Variants in ACACB observed in about 807,000 individuals in gnomAD.
ACACB encodes acetyl-CoA carboxylase beta.
In ACACB, 209 loss-of-function variants were observed where a neutral mutation model predicts 278.8. The observed-to-expected ratio is 0.75, with a 90% CI of 0.67 to 0.84. The LOEUF (loss-of-function observed/expected upper bound fraction) is 0.84, where lower values mean the gene tolerates loss of function less well. Among genes scored for constraint, ACACB ranks in the 40% least tolerant of loss-of-function variants. The probability of loss-of-function intolerance (pLI) is 0.00; values close to 1 mark genes in which losing one functional copy is unlikely to be tolerated. For missense variants in ACACB, 2,850 were observed against 3,269.0 expected (o/e 0.87, Z 3.13); for synonymous variants, 1,174 against 1,285.6 (o/e 0.91, Z 1.86).
intron 24 of ACACB, among the ~76,000 whole-genome samples, chr12:109,220,557 T>G (rs1385526664): frequency 6.6e-6 from 1 of 152,008 alleles, no homozygotes; most frequent in Non-Finnish European, 1.5e-5. Context: ...GTTGTTGTTG[T>G]TTGTTTGTTT....
chr12:109,194,850 G>A lies in ACACB; in HGVS notation c.2481+1121G>A, dbSNP rs77841967. On this transcript the variant is annotated intron_variant, in intron 16 of 52. Transcript: ENST00000338432. ...ATATTATTCAACCCCTATAGAATGT[G>A]AGCTGGGCCTTTGCTGAGACAGAAT... 2.6e-5 allele frequency among the ~76,000 whole-genome samples: 4 copies of A among 152,294 alleles called. No homozygotes were observed. In the East Asian group the frequency reaches 7.7e-4, roughly 29 times the overall value.
At chr12:109,230,602 AT>A (rs1253724506) in intron 28 of ACACB, among the ~76,000 whole-genome samples, 1 of 151,916 alleles carries the variant, frequency 6.6e-6, no homozygotes, top group African/African-American at 2.4e-5. Context: ...CTTTAAAAAT[AT>A]TTTTTTGCAG....
At chr12:109,127,220 C>T (rs1466819216) in intron 1 of ACACB, among the ~76,000 whole-genome samples, 3 of 152,146 alleles carry the variant, frequency 2.0e-5, no homozygotes, top group Non-Finnish European at 4.4e-5. Flanking sequence ...GGGTCGAATG[C>T]CATGTATACC....
intron 15 of ACACB, among the ~76,000 whole-genome samples, chr12:109,192,430 CT>C (rs368470739): frequency 1.6e-3 from 246 of 151,160 alleles, no homozygotes; most frequent in Non-Finnish European, 3.1e-3. Flanking sequence ...GTGCTGGATG[CT>C]TTTTTTTTGT....
At chr12:109,260,001 G>A in intron 47 of ACACB, 24 of 1,216,478 alleles carry the variant, frequency 2.0e-5, no homozygotes, top group Non-Finnish European at 2.7e-5. Context: ...AGTCTGATGA[G>A]CTAATTGCTG....
Position 109,179,306 on chromosome 12 carries a change from C to T in ACACB, c.1647+9C>T, listed in dbSNP as rs1318617778. 1.2e-6 allele frequency: 2 copies of T among 1,611,314 alleles called. No individual in the cohort carries two copies. Among genetic ancestry groups the T allele is most frequent in the East Asian group, 2.2e-5 (1 of 44,832 alleles). Reference sequence around the variant, plus strand: ...TCGAGTTCATGGAGCAGGTACACTTCTCAGAGCCCAGGGGGCAGCTTCAGA... The same window carrying T: ...TCGAGTTCATGGAGCAGGTACACTTTTCAGAGCCCAGGGGGCAGCTTCAGA... On this transcript the variant is annotated intron_variant, in intron 10 of 52. Coordinates refer to ENST00000338432, the MANE Select transcript of ACACB (RefSeq NM_001093.4).
Position 109,199,460 on chromosome 12 carries a change from G to A in ACACB, c.2686G>A (p.Val896Ile). 6.4e-7 allele frequency: 1 copy of A among 1,565,150 alleles called. No individual in the cohort carries two copies. The highest frequency in any genetic ancestry group is 8.7e-7 in the Non-Finnish European group (1 of 1,155,888). The change falls in exon 18 of 53, where the codon GTC becomes ATC. Residue 896 changes from valine (V) to isoleucine (I), a missense_variant. Physicochemically the swap from Val to Ile is conservative, Grantham distance 29. Around this residue, in one of 3 missense-constraint regions of ACACB, gnomAD observed 2,265 missense variants for 2,561.3 expected, o/e 0.88. Coordinates refer to ENST00000338432, the MANE Select transcript of ACACB (RefSeq NM_001093.4). Reference protein sequence around the residue: ...CVFEKENDPTVLRSPSAGKLT... With the variant: ...CVFEKENDPTILRSPSAGKLT... The stretch of plus-strand genomic sequence containing the variant: ...GTTTGAGAAGGAGAACGATCCTACA[G>A]TCCTGAGATCCCCCTCGGCTGGGAA...
rs1447364920 is a variant in ACACB at position 109,239,779 on chromosome 12, A to T, written c.4663-51A>T. On this transcript the variant is annotated intron_variant, in intron 34 of 52. Transcript: ENST00000338432. ...GGGGCTGAGTTTCCAGCCAGCTGGG[A>T]GTAGGCCTGCACCCCTGGCCTGAGC... 3.3e-6 allele frequency: 5 copies of T among 1,527,580 alleles called. No homozygotes were observed. In the Admixed American group the frequency reaches 1.0e-4, roughly 32 times the overall value. The allele number at this position is 1,527,580 out of a possible 1,614,324, so 94.6% of individuals were successfully genotyped here.
At chr12:109,235,826 T>C in intron 33 of ACACB, 179 bp downstream of exon 33, 1 of 556,946 alleles carries the variant, frequency 1.8e-6, no homozygotes. Context: ...AGTGAGACCC[T>C]GTCTCTACAA....
At chr12:109,209,879 G>C (rs574232582) in intron 21 of ACACB, among the ~76,000 whole-genome samples, 2 of 117,960 alleles carry the variant, frequency 1.7e-5, no homozygotes, top group Non-Finnish European at 3.7e-5. Flanking sequence ...ATACACACAC[G>C]TGTGTATATA....
Position 109,240,984 on chromosome 12 carries a change from C to T in ACACB, c.4819-94C>T, listed in dbSNP as rs541890474. The T allele has an allele frequency of 1.2e-5, 16 of 1,285,292 alleles. No homozygotes were observed. The Admixed American group carries it at 2.0e-4, about 16-fold the overall frequency. 79.6% of individuals were successfully genotyped at this position (1,285,292 alleles called of 1,614,324 possible). ...ACTATGTCCCAGGCGTTTTTGCAGTCAGTATATCTCATCCTCTTATTAGTA... is the reference window on the plus strand; with the variant it reads ...ACTATGTCCCAGGCGTTTTTGCAGTTAGTATATCTCATCCTCTTATTAGTA... On this transcript the variant is annotated intron_variant, in intron 35 of 52. Transcript: ENST00000338432.
At chr12:109,241,007 GT>G (rs1392039599) in intron 35 of ACACB, 70 bp from the exon 36 acceptor site, 5 of 1,471,980 alleles carry the variant, frequency 3.4e-6, no homozygotes, top group Non-Finnish European at 4.7e-6. Context: ...CCTCTTATTA[GT>G]ATCAGTGCTA....
At chr12:109,114,521 C>T (rs2042366312), upstream of ACACB, among the ~76,000 whole-genome samples, 1 of 151,920 alleles carries the variant, frequency 6.6e-6, no homozygotes, top group Non-Finnish European at 1.5e-5. Flanking sequence ...TTCCAGGTGC[C>T]TTGTTTTGTT....
At chr12:109,148,779 A>T (rs367550970) in intron 2 of ACACB, among the ~76,000 whole-genome samples, 1 of 152,130 alleles carries the variant, frequency 6.6e-6, no homozygotes, top group Non-Finnish European at 1.5e-5. Context: ...TGCTTAGTAA[A>T]TGTGCCTAAT....
chr12:109,116,369 A>G (rs1019225616), upstream of ACACB, among the ~76,000 whole-genome samples: 1 of 152,216 alleles, frequency 6.6e-6, no homozygotes, highest in Admixed American at 6.5e-5. Context: ...TAGATGCCTC[A>G]TGGCTTCAAC....
intron 19 of ACACB, among the ~76,000 whole-genome samples, chr12:109,204,860 T>C (rs544937469): frequency 6.6e-6 from 1 of 152,230 alleles, no homozygotes; most frequent in South Asian, 2.1e-4. Flanking sequence ...TTTCTCTCTT[T>C]TTTTGAGACA....
At chr12:109,140,105 G>T (rs759387827) in intron 2 of ACACB, 47 bp downstream of exon 2, 1 of 1,527,316 alleles carries the variant, frequency 6.5e-7, no homozygotes, top group Admixed American at 2.0e-5. Context: ...GAGTTCAGGT[G>T]GGGTCCACAC....
chr12:109,201,792 T>C (rs1593542453), intron 19 of ACACB, 91 bp downstream of exon 19: 9 of 1,510,996 alleles, frequency 6.0e-6, no homozygotes, highest in Non-Finnish European at 8.0e-6. Context: ...TCAAGGCTGG[T>C]AGCGCTTCTC....
chr12:109,245,556 T>A (rs2046916826), intron 37 of ACACB, 70 bp from the exon 38 acceptor site: 4 of 1,523,302 alleles, frequency 2.6e-6, no homozygotes, highest in Non-Finnish European at 3.6e-6. Context: ...ACAGATCATC[T>A]CTGTCTGGGA....
Sources: gnomAD v4.1 joint callset for allele counts (sites outside exome capture counted in the v4.1 genomes callset) on GRCh38, gnomAD v4.1.1 for gene constraint, gnomAD v4.1.1 regional missense constraint, MANE v1.5 for transcripts, NCBI Gene and HGNC (gene_info 2026-07-23, HGNC 2026-07-21) for gene names.